Variants in PLXNA4 observed in about 807,000 individuals in gnomAD.
The protein encoded by PLXNA4 is plexin A4.
In PLXNA4, 44 loss-of-function variants were observed where a neutral mutation model predicts 191.8. The observed-to-expected ratio is 0.23, with a 90% CI of 0.18 to 0.29. The LOEUF (loss-of-function observed/expected upper bound fraction) is 0.29, where lower values mean the gene tolerates loss of function less well. Among genes scored for constraint, PLXNA4 ranks in the 10% least tolerant of loss-of-function variants. PLXNA4 has a pLI of 1.00. For missense variants in PLXNA4, 1,800 were observed against 2,488.8 expected (o/e 0.72, Z 5.89); for synonymous variants, 1,082 against 1,009.5 (o/e 1.07, Z -1.36).
chr7:132,180,000 T>C (rs1796653117), intron 19 of PLXNA4, 79 bp from the exon 20 acceptor site: 3 of 1,496,674 alleles, frequency 2.0e-6, no homozygotes, highest in Non-Finnish European at 2.7e-6. Flanking sequence ...ACCCATGAAC[T>C]AGTGACCAGG....
At chr7:132,536,995 A>G (rs549777751) in intron 1 of PLXNA4, among the ~76,000 whole-genome samples, 1 of 152,222 alleles carries the variant, frequency 6.6e-6, no homozygotes, top group African/African-American at 2.4e-5. Context: ...GGCTGATTTA[A>G]AAGATGGCAA....
At chr7:132,196,265 C>T (rs1056110060) in intron 13 of PLXNA4, among the ~76,000 whole-genome samples, 13 of 152,222 alleles carry the variant, frequency 8.5e-5, no homozygotes, top group African/African-American at 3.1e-4. Context: ...CTCTTGCCTA[C>T]CTACCATGCC....
intron 5 of PLXNA4, among the ~76,000 whole-genome samples, 154 bp from the exon 6 acceptor site, chr7:132,228,623 C>A (rs1481379722): frequency 6.6e-6 from 1 of 152,162 alleles, no homozygotes; most frequent in Non-Finnish European, 1.5e-5. Context: ...CAAGCCTGGT[C>A]CTCCTCCATC....
At chr7:132,484,980 G>A (rs762825533) in intron 3 of PLXNA4, 7 of 1,614,124 alleles carry the variant, frequency 4.3e-6, no homozygotes, top group Non-Finnish European at 5.9e-6. Context: ...ATCCACTCCT[G>A]GGTGATTCCC....
intron 9 of PLXNA4, among the ~76,000 whole-genome samples, chr7:132,222,651 T>C (rs1798186080): frequency 6.6e-6 from 1 of 152,210 alleles, no homozygotes; most frequent in Admixed American, 6.5e-5. Flanking sequence ...CAATATTGGC[T>C]GAGAGAGTGC....
At chr7:132,255,092 T>C (rs767683669) in intron 4 of PLXNA4, among the ~76,000 whole-genome samples, 19 of 152,122 alleles carry the variant, frequency 1.2e-4, no homozygotes, top group Non-Finnish European at 2.5e-4. Context: ...CAAAATGCCA[T>C]TGCCTATGAC....
In PLXNA4 at chr7:132,508,230, T is replaced by C; in HGVS notation, c.464A>G (p.Lys155Arg). Reference sequence around the variant, plus strand: ...GACACCTGACAGATAGTGCTCCTTCTTATGATAAGGCTCCCCCAGCTTGAA... The same window carrying C: ...GACACCTGACAGATAGTGCTCCTTCCTATGATAAGGCTCCCCCAGCTTGAA... ...DLFKLGEPYH[K>R]KEHYLSGVNE... Residue 155 changes from lysine to arginine, a missense_variant, in exon 2 of 32, where the codon AAG (lysine) becomes AGG (arginine). Around this residue, in one of 6 missense-constraint regions of PLXNA4, gnomAD observed 1,397 missense variants for 1,880.4 expected, o/e 0.74. Transcript: ENST00000321063. This position sits in a 1 kb window ranked among gnomAD's most constrained non-coding sequence, Gnocchi z 4.4. 2 of 1,614,220 alleles carry C rather than the reference T, an allele frequency of 1.2e-6. No individual in the cohort carries two copies. Among genetic ancestry groups the C allele is most frequent in the Non-Finnish European group, 1.7e-6 (2 of 1,180,042 alleles).
At chr7:132,203,477 A>G in intron 10 of PLXNA4, 58 bp from the exon 11 acceptor site, 2 of 1,479,746 alleles carry the variant, frequency 1.4e-6, no homozygotes, top group East Asian at 4.5e-5. Context: ...AGTTCTAGAG[A>G]GGGCCCAAAT....
At chr7:132,418,487 A>C (rs1794739007) in intron 3 of PLXNA4, among the ~76,000 whole-genome samples, 1 of 152,220 alleles carries the variant, frequency 6.6e-6, no homozygotes. Flanking sequence ...TGCTCAGACA[A>C]AGCATATCAC....
At chr7:132,270,527 T>C (rs1156297403) in intron 4 of PLXNA4, among the ~76,000 whole-genome samples, 1 of 152,246 alleles carries the variant, frequency 6.6e-6, no homozygotes, top group Non-Finnish European at 1.5e-5. Flanking sequence ...CCACTTAGGA[T>C]GGCATTTTGG....
intron 1 of PLXNA4, among the ~76,000 whole-genome samples, chr7:132,563,177 C>G (rs1409557125): frequency 1.7e-5 from 1 of 58,582 alleles, no homozygotes; most frequent in Admixed American, 1.6e-4. Context: ...TTCTCCTCCT[C>G]CTTCTCCTTC....
At chr7:132,421,342 G>A (rs2117144258) in intron 3 of PLXNA4, among the ~76,000 whole-genome samples, 1 of 152,272 alleles carries the variant, frequency 6.6e-6, no homozygotes, top group Admixed American at 6.5e-5. Context: ...GCCCTAGAAT[G>A]TAAGAGGAGT....
rs1037921719 is a variant in PLXNA4 at position 132,404,564 on chromosome 7, C to A, written c.1371+84728G>T. Among the ~76,000 whole-genome samples, 12 of 152,278 alleles carry A rather than the reference C, an allele frequency of 7.9e-5. No homozygotes were observed. The East Asian group carries it at 2.3e-3, about 29-fold the overall frequency. On this transcript the variant is annotated intron_variant, in intron 3 of 31. Transcript: ENST00000321063. ...TCCCTGTTACATGGACCTGGCAGTG[C>A]ACCAGGTGACATGGAGGCCACACAC... is the stretch of plus-strand genomic sequence containing the variant.
At chr7:132,248,967 A>G (rs10488376) in intron 4 of PLXNA4, among the ~76,000 whole-genome samples, 62,374 of 152,090 alleles carry the variant, frequency 0.41, 13,466 homozygotes, top group East Asian at 0.74. Context: ...GCTGGGCCTC[A>G]CTTGACGGCA....
At chr7:132,353,294 C>T (rs990162088) in intron 3 of PLXNA4, among the ~76,000 whole-genome samples, 4 of 152,040 alleles carry the variant, frequency 2.6e-5, no homozygotes, top group Non-Finnish European at 5.9e-5. Flanking sequence ...CTAAGTTGTT[C>T]TTAGATCCAT....
At position 132,254,807 on chromosome 7, in the gene PLXNA4, G is replaced by A. The variant is rs73723759; in HGVS notation, c.1504-13641C>T. Among the ~76,000 whole-genome samples, 1,201 of 152,266 alleles carry A rather than the reference G, an allele frequency of 7.9e-3. 17 individuals carry two copies. The highest frequency in any genetic ancestry group is 0.027 in the African/African-American group (1,126 of 41,556). On this transcript the variant is annotated intron_variant, in intron 4 of 31. Transcript: ENST00000321063. ...ATAATGCATCCATTTCACATTTTGC[G>A]CATCTGGGGAGTCTGATCTATATCC... is the stretch of plus-strand genomic sequence containing the variant.
intron 1 of PLXNA4, among the ~76,000 whole-genome samples, chr7:132,572,512 C>T (rs1325058248): frequency 6.6e-6 from 1 of 152,184 alleles, no homozygotes; most frequent in East Asian, 1.9e-4. Flanking sequence ...ACTCAGGAAA[C>T]TCTTCTTCCA....
chr7:132,629,773 C>T (rs1803454601), intron 2 of PLXNA4, among the ~76,000 whole-genome samples: 1 of 152,238 alleles, frequency 6.6e-6, no homozygotes, highest in Admixed American at 6.5e-5. Flanking sequence ...TCCTGGCTTG[C>T]AGATGGCCGC....
At chr7:132,252,313 T>TTG (rs1799280636) in intron 4 of PLXNA4, among the ~76,000 whole-genome samples, 1 of 119,720 alleles carries the variant, frequency 8.4e-6, no homozygotes, top group African/African-American at 3.5e-5. Context: ...TTTTTTTTTT[T>TTG]TTTTTTTTTT....
Sources: allele counts gnomAD v4.1 joint callset (sites outside exome capture counted in the v4.1 genomes callset), GRCh38; gene constraint gnomAD v4.1.1; regional missense constraint gnomAD v4.1.1; non-coding constraint Gnocchi (gnomAD v3.1); transcripts MANE v1.5; gene names NCBI Gene and HGNC (gene_info 2026-07-23, HGNC 2026-07-21).